ANO6: variants seen among roughly 807,000 people sequenced by gnomAD.
The protein encoded by ANO6 is anoctamin 6.
Under a neutral mutation model 117.5 loss-of-function variants are expected in ANO6, and 106 were observed. The observed-to-expected ratio is 0.90, with a 90% CI of 0.77 to 1.06. The LOEUF is 1.06. Ranked by LOEUF, ANO6 falls within the 50% of genes least tolerant of loss-of-function variation. The pLI, the probability that ANO6 is intolerant of heterozygous loss-of-function variation, is 0.00. For missense variants in ANO6, 955 were observed against 1,121.1 expected, an observed-to-expected ratio of 0.85 and a Z score of 2.12; for synonymous variants, 367 against 385.1, an observed-to-expected ratio of 0.95 and a Z score of 0.55.
At chr12:45,360,709 C>T (rs1941533375) in intron 8 of ANO6, among the ~76,000 whole-genome samples, 1 of 151,978 alleles carries the variant, frequency 6.6e-6, no homozygotes, top group African/African-American at 2.4e-5. Context: ...TTTTTTTTAA[C>T]ATTTATCTTC....
intron 3 of ANO6, among the ~76,000 whole-genome samples, chr12:45,344,591 G>T (rs1941075615): frequency 6.6e-6 from 1 of 152,116 alleles, no homozygotes; most frequent in African/African-American, 2.4e-5. Context: ...CCGCCCCCAT[G>T]ATTAAATCAC....
At chr12:45,220,995 A>G (rs1947387571) in intron 1 of ANO6, among the ~76,000 whole-genome samples, 3 of 151,976 alleles carry the variant, frequency 2.0e-5, no homozygotes, top group South Asian at 2.1e-4. Context: ...AAGAACCTCA[A>G]TTTGTAGCCG....
intron 2 of ANO6, among the ~76,000 whole-genome samples, chr12:45,315,623 G>A (rs538946989): frequency 1.3e-5 from 2 of 152,060 alleles, no homozygotes; most frequent in East Asian, 3.9e-4. Context: ...CTTCCATGAT[G>A]AGCTCTGTGT....
intron 9 of ANO6, among the ~76,000 whole-genome samples, chr12:45,368,335 TA>T (rs1162493895): frequency 6.6e-6 from 1 of 152,212 alleles, no homozygotes; most frequent in Non-Finnish European, 1.5e-5. Flanking sequence ...TTAATTCAAT[TA>T]AGTGGAAACC....
chr12:45,388,956 C>T (rs1210202805), intron 11 of ANO6, among the ~76,000 whole-genome samples: 1 of 152,112 alleles, frequency 6.6e-6, no homozygotes, highest in African/African-American at 2.4e-5. Context: ...TTCCAAAGTC[C>T]CTGAAAGATG....
chr12:45,431,591 G>C lies in ANO6; in HGVS notation c.*2280G>C, dbSNP rs1001903248. On this transcript the variant is annotated 3_prime_UTR_variant, in exon 20 of 20. Coordinates refer to ENST00000320560, the MANE Select transcript of ANO6 (RefSeq NM_001025356.3). ...CAAATGTAATATCTGACACTGTTAA[G>C]ATGCCCAAAAGAGCAAAGTTGTAGT... 2 of 985,336 alleles carry C rather than the reference G, an allele frequency of 2.0e-6. No individual in the cohort carries two copies. The highest frequency in any genetic ancestry group is 2.4e-6 in the Non-Finnish European group (2 of 829,924). 61.0% of individuals were successfully genotyped at this position (985,336 alleles called of 1,614,324 possible).
At position 45,429,428 on chromosome 12, in the gene ANO6, C is replaced by T. The variant is rs1344036524; in HGVS notation, c.*117C>T. On this transcript the variant is annotated 3_prime_UTR_variant, in exon 20 of 20. Transcript: ENST00000320560. Reference sequence around the variant, plus strand: ...TGGCAAATATGAGTCTCAACTATTGCCATTTCCTCATGTATTATTTTTCAG... The same window carrying T: ...TGGCAAATATGAGTCTCAACTATTGTCATTTCCTCATGTATTATTTTTCAG... The T allele has an allele frequency of 1.1e-5, 17 of 1,512,488 alleles. No individual in the cohort carries two copies. The South Asian group carries it at 1.1e-4, about 10-fold the overall frequency. The allele number at this position is 1,512,488 out of a possible 1,614,324, so 93.7% of individuals were successfully genotyped here.
At chr12:45,235,580 G>T (rs775167351) in intron 1 of ANO6, among the ~76,000 whole-genome samples, 17 of 152,212 alleles carry the variant, frequency 1.1e-4, no homozygotes, top group Admixed American at 2.6e-4. Context: ...CATCTGAGCA[G>T]AACTAGCAAG....
At chr12:45,263,933 C>T (rs1035975852) in intron 1 of ANO6, among the ~76,000 whole-genome samples, 5 of 152,158 alleles carry the variant, frequency 3.3e-5, no homozygotes, top group African/African-American at 7.2e-5. Context: ...CCCCTTTAAA[C>T]GTATCTGTTC....
chr12:45,259,582 T>G (rs1044078479), intron 1 of ANO6, among the ~76,000 whole-genome samples: 4 of 152,330 alleles, frequency 2.6e-5, no homozygotes, highest in Non-Finnish European at 5.9e-5. Context: ...AGGGCCTGGT[T>G]GCAGTGGGTA....
At chr12:45,409,140 A>T (rs1323193339) in intron 15 of ANO6, among the ~76,000 whole-genome samples, 1 of 152,254 alleles carries the variant, frequency 6.6e-6, no homozygotes, top group East Asian at 1.9e-4. Flanking sequence ...GGAGAAAAAA[A>T]TAGTAGCAGC....
intron 1 of ANO6, among the ~76,000 whole-genome samples, chr12:45,237,488 C>T (rs1442139533): frequency 1.3e-5 from 2 of 152,188 alleles, no homozygotes; most frequent in African/African-American, 2.4e-5. Flanking sequence ...GGAATCCTTT[C>T]CCCATTTCTT....
chr12:45,245,702 G>C (rs1947814835), intron 1 of ANO6, among the ~76,000 whole-genome samples: 1 of 152,100 alleles, frequency 6.6e-6, no homozygotes, highest in South Asian at 2.1e-4. Context: ...TCATTGTAAA[G>C]TTGAACTGCA....
intron 19 of ANO6, 26 bp from the exon 20 acceptor site, chr12:45,429,079 G>A (rs1200033041): frequency 1.2e-6 from 2 of 1,610,692 alleles, no homozygotes; most frequent in East Asian, 2.2e-5. Flanking sequence ...CTTTGTGAGT[G>A]ACATTTTTCT....
At chr12:45,375,493 G>T (rs927653718) in intron 9 of ANO6, among the ~76,000 whole-genome samples, 1 of 152,132 alleles carries the variant, frequency 6.6e-6, no homozygotes, top group Admixed American at 6.5e-5. Context: ...CATGGTACTG[G>T]TACCAAAACA....
chr12:45,340,049 C>A (rs1054652683), intron 3 of ANO6, among the ~76,000 whole-genome samples: 5 of 152,040 alleles, frequency 3.3e-5, no homozygotes, highest in African/African-American at 1.2e-4. Context: ...TGTTTACAAT[C>A]AGTACTATTA....
chr12:45,430,282 A>T lies in ANO6; in HGVS notation c.*971A>T. 1.0e-6 allele frequency: 1 copy of T among 985,450 alleles called. No individual in the cohort carries two copies. The highest frequency in any genetic ancestry group is 1.2e-6 in the Non-Finnish European group (1 of 829,944). The allele number at this position is 985,450 out of a possible 1,614,324, so 61.0% of individuals were successfully genotyped here. ...TTAGATACAGAAGGTGCAGTATTAC[A>T]CATCACCAGCTGCCTTTGTGAATGG... is the stretch of plus-strand genomic sequence containing the variant. On this transcript the variant is annotated 3_prime_UTR_variant, in exon 20 of 20. Transcript: ENST00000320560.
intron 2 of ANO6, among the ~76,000 whole-genome samples, chr12:45,314,893 A>G (rs1192132709): frequency 1.3e-5 from 2 of 152,084 alleles, no homozygotes; most frequent in South Asian, 2.1e-4. Flanking sequence ...ATCACAGTGG[A>G]TGTATTACAG....
At position 45,378,682 on chromosome 12, in the gene ANO6, C is replaced by T. The variant is rs368491946; in HGVS notation, c.1165+569C>T. Reference sequence around the variant, plus strand: ...TCAATGTGGGGCGGTGGGAGTACTACCCAGTGGCTTGGATGTAGGAGGCAT... The same window carrying T: ...TCAATGTGGGGCGGTGGGAGTACTATCCAGTGGCTTGGATGTAGGAGGCAT... On this transcript the variant is annotated intron_variant, in intron 10 of 19. Transcript: ENST00000320560. Among the ~76,000 whole-genome samples the T allele has an allele frequency of 2.2e-4, 33 of 152,254 alleles. No homozygotes were observed. The East Asian group carries it at 4.1e-3, about 19-fold the overall frequency.
Sources: allele counts gnomAD v4.1 joint callset (sites outside exome capture counted in the v4.1 genomes callset), GRCh38; gene constraint gnomAD v4.1.1; transcripts MANE v1.5; gene names NCBI Gene and HGNC (gene_info 2026-07-23, HGNC 2026-07-21).